Variants in RETREG1 observed in about 807,000 individuals in gnomAD.
The protein encoded by RETREG1 is family with sequence similarity 134 member B.
In RETREG1, 44 loss-of-function variants were observed where a neutral mutation model predicts 54.8. The ratio of observed to expected loss-of-function variants is 0.80; its 90% CI spans 0.63 to 1.03. RETREG1 has a LOEUF of 1.03. Among genes scored for constraint, RETREG1 ranks in the 50% least tolerant of loss-of-function variants. The pLI is 0.00. For synonymous variants in RETREG1, 217 were observed against 238.5 expected (o/e 0.91, Z 0.83); for missense variants, 554 against 605.1 (o/e 0.92, Z 0.89).
intron 3 of RETREG1, among the ~76,000 whole-genome samples, chr5:16,539,534 A>G (rs574219139): frequency 3.5e-4 from 54 of 152,264 alleles, no homozygotes; most frequent in African/African-American, 1.3e-3. Context: ...GCTGATCCCA[A>G]CTTGCCCAGC....
chr5:16,612,085 A>ATCACCCT (rs1056247678), intron 1 of RETREG1, among the ~76,000 whole-genome samples: 2 of 150,502 alleles, frequency 1.3e-5, no homozygotes, highest in African/African-American at 4.9e-5. Flanking sequence ...AAAAAAGGAC[A>ATCACCCT]TCACCCTATC....
At chr5:16,503,748 A>C (rs913346431) in intron 3 of RETREG1, among the ~76,000 whole-genome samples, 1 of 152,050 alleles carries the variant, frequency 6.6e-6, no homozygotes, top group African/African-American at 2.4e-5. Context: ...ATTATACCTT[A>C]GGAATATATA....
chr5:16,537,041 C>A (rs1741093945), intron 3 of RETREG1, among the ~76,000 whole-genome samples: 1 of 152,148 alleles, frequency 6.6e-6, no homozygotes, highest in Non-Finnish European at 1.5e-5. Context: ...CCAGTCCATG[C>A]CAATCCCACC....
rs386403108 is a variant in RETREG1, at chr5:16,527,800, A to ATTTTTTTTTTTTTTTTTTTTTTT, written c.458+37940_458+37962dup. The stretch of plus-strand genomic sequence containing the variant: ...CTTAGTACAATTTCGAGGGACTCTA[A>ATTTTTTTTTTTTTTTTTTTTTTT]TTTTTTTTTTTTTTTTTTTTTTTTT... On this transcript the variant is annotated intron_variant, in intron 3 of 8. Transcript: ENST00000306320. Among the ~76,000 whole-genome samples, 20 of 66,260 alleles carry ATTTTTTTTTTTTTTTTTTTTTTT rather than the reference A, an allele frequency of 3.0e-4. 6 individuals carry two copies. The highest frequency in any genetic ancestry group is 3.7e-4 in the Non-Finnish European group (14 of 37,406). 43.5% of individuals were successfully genotyped at this position (66,260 alleles called of 152,430 possible).
chr5:16,475,504 T>C (rs572977765), intron 8 of RETREG1, among the ~76,000 whole-genome samples: 1 of 152,192 alleles, frequency 6.6e-6, no homozygotes, highest in Non-Finnish European at 1.5e-5. Flanking sequence ...TGACTTAACA[T>C]TCACCTTTGT....
At chr5:16,547,720 C>G (rs1741426658) in intron 3 of RETREG1, among the ~76,000 whole-genome samples, 1 of 152,070 alleles carries the variant, frequency 6.6e-6, no homozygotes, top group South Asian at 2.1e-4. Context: ...TTTACAAACC[C>G]CTTTAGCTCT....
rs187694702 is a variant in RETREG1, at chr5:16,478,334, G to C, written c.809-236C>G. Among the ~76,000 whole-genome samples, 933 of 152,194 alleles carry C rather than the reference G, an allele frequency of 6.1e-3. 14 individuals carry two copies. Among genetic ancestry groups the C allele is most frequent in the African/African-American group, 0.022 (894 of 41,550 alleles). ...TAATATTGTCCCTGAAACAGCAAAA[G>C]CATCCTCCCTGGGAACTTTTTAGAA... On this transcript the variant is annotated intron_variant, in intron 6 of 8. Transcript: ENST00000306320.
intron 1 of RETREG1, among the ~76,000 whole-genome samples, chr5:16,582,124 CAT>C (rs1742501150): frequency 6.6e-6 from 1 of 152,132 alleles, no homozygotes; most frequent in South Asian, 2.1e-4. Flanking sequence ...TACATAAATA[CAT>C]AAAGTCTATG....
At chr5:16,507,942 T>C (rs746546274) in intron 3 of RETREG1, among the ~76,000 whole-genome samples, 11 of 152,218 alleles carry the variant, frequency 7.2e-5, no homozygotes, top group Admixed American at 2.6e-4. Flanking sequence ...GGGGCTAAAA[T>C]GCAGACTTTC....
intron 3 of RETREG1, among the ~76,000 whole-genome samples, chr5:16,522,785 G>A (rs1016612232): frequency 2.6e-5 from 4 of 152,186 alleles, no homozygotes; most frequent in Non-Finnish European, 4.4e-5. Flanking sequence ...TGGGAGGATC[G>A]CTTGAGCCCA....
chr5:16,538,112 T>G (rs1343564040), intron 3 of RETREG1, among the ~76,000 whole-genome samples: 1 of 152,166 alleles, frequency 6.6e-6, no homozygotes, highest in African/African-American at 2.4e-5. Flanking sequence ...AGAGCTGCAG[T>G]GCAGCCCTCA....
At chr5:16,550,069 A>G (rs1741489188) in intron 3 of RETREG1, among the ~76,000 whole-genome samples, 1 of 152,200 alleles carries the variant, frequency 6.6e-6, no homozygotes, top group South Asian at 2.1e-4. Context: ...TTGTTCAGGT[A>G]TTAAAAACAG....
At chr5:16,556,120 T>C (rs922484520) in intron 3 of RETREG1, among the ~76,000 whole-genome samples, 1 of 152,080 alleles carries the variant, frequency 6.6e-6, no homozygotes, top group African/African-American at 2.4e-5. Flanking sequence ...ATCAAGCAGC[T>C]GTGTAGGCCC....
At position 16,561,448 on chromosome 5, in the gene RETREG1, G is replaced by C. The variant is rs1254397724; in HGVS notation, c.458+4315C>G. 6.6e-6 allele frequency among the ~76,000 whole-genome samples: 1 copy of C among 152,158 alleles called. No individual in the cohort carries two copies. Among genetic ancestry groups the C allele is most frequent in the South Asian group, 2.1e-4 (1 of 4,818 alleles). On this transcript the variant is annotated intron_variant, in intron 3 of 8. Coordinates refer to ENST00000306320, the MANE Select transcript of RETREG1 (RefSeq NM_001034850.3). This position sits in a 1 kb window ranked among gnomAD's most constrained non-coding sequence, Gnocchi z 4.2. ...GGAGGTGGAGCTTGCAGAGAGCCAA[G>C]ATCGCTCTACCACACTCCAGCCTGG... is the stretch of plus-strand genomic sequence containing the variant.
At chr5:16,496,453 T>C (rs116738693) in intron 3 of RETREG1, among the ~76,000 whole-genome samples, 2,115 of 152,242 alleles carry the variant, frequency 0.014, 22 homozygotes, top group Non-Finnish European at 0.018. Context: ...GCTGAGATAA[T>C]TCCCCTTTCT....
intron 3 of RETREG1, among the ~76,000 whole-genome samples, chr5:16,515,365 G>A (rs1302794776): frequency 1.3e-5 from 2 of 152,146 alleles, no homozygotes; most frequent in African/African-American, 4.8e-5. Context: ...AATACTTTAT[G>A]TCATTCTCAT....
rs1295452771 is a variant in RETREG1, at chr5:16,552,433, T to C, written c.458+13330A>G. On this transcript the variant is annotated intron_variant, in intron 3 of 8. Transcript: ENST00000306320. Reference sequence around the variant, plus strand: ...AGGAAAGACTTTGGAGAGCACAAGATAAACAACATTCAAAAGATTTTATAT... The same window carrying C: ...AGGAAAGACTTTGGAGAGCACAAGACAAACAACATTCAAAAGATTTTATAT... Among the ~76,000 whole-genome samples, 3 of 151,994 alleles carry C rather than the reference T, an allele frequency of 2.0e-5. No individual in the cohort carries two copies. The East Asian group carries it at 5.8e-4, about 29-fold the overall frequency.
rs1743512455 is a variant in RETREG1, at chr5:16,616,484, G to A, written c.320+168C>T. ...AGGGACGTGCGTCCGGAGGAAAGTT[G>A]CGGTGAGTGTCTACCTGTTCGAGAC... On this transcript the variant is annotated intron_variant, in intron 1 of 8. Transcript: ENST00000306320. 5.1e-6 allele frequency: 6 copies of A among 1,182,560 alleles called. No homozygotes were observed. The Admixed American group carries it at 1.2e-4, about 24-fold the overall frequency. 73.3% of individuals were successfully genotyped at this position (1,182,560 alleles called of 1,614,324 possible). A position where few individuals can be genotyped will look rare whatever the true frequency, so the allele number is the denominator to read the frequency against.
At chr5:16,503,238 T>C (rs891595728) in intron 3 of RETREG1, among the ~76,000 whole-genome samples, 10 of 152,208 alleles carry the variant, frequency 6.6e-5, no homozygotes, top group South Asian at 2.1e-4. Flanking sequence ...ATCAAAAAGA[T>C]TGCATTGTTC....
Sources: allele counts gnomAD v4.1 joint callset (sites outside exome capture counted in the v4.1 genomes callset), GRCh38; gene constraint gnomAD v4.1.1; non-coding constraint Gnocchi (gnomAD v3.1); transcripts MANE v1.5; gene names NCBI Gene and HGNC (gene_info 2026-07-23, HGNC 2026-07-21).